BOD1L1: variants seen among roughly 807,000 people sequenced by gnomAD.
BOD1L1 encodes the protein biorientation of chromosomes in cell division 1 like 1.
Under a neutral mutation model 240.7 loss-of-function variants are expected in BOD1L1, and 86 were observed. That is an observed-to-expected ratio of 0.36 (90% CI 0.30 to 0.43). The LOEUF (loss-of-function observed/expected upper bound fraction) is 0.43, where lower values mean the gene tolerates loss of function less well. Among genes scored for constraint, BOD1L1 ranks in the 20% least tolerant of loss-of-function variants. The probability of loss-of-function intolerance (pLI) is 1.00; values close to 1 mark genes in which losing one functional copy is unlikely to be tolerated. For missense variants in BOD1L1, 3,554 were observed against 3,643.5 expected (o/e 0.98, Z 0.63); for synonymous variants, 1,268 against 1,272.3 (o/e 1.00, Z 0.07).
intron 15 of BOD1L1, 97 bp from the exon 16 acceptor site, chr4:13,587,868 G>A (rs1300337626): frequency 3.5e-6 from 3 of 862,788 alleles, no homozygotes; most frequent in Admixed American, 2.8e-5. Flanking sequence ...TTTGGAATAA[G>A]TTGATATATA....
rs372894240 is a variant in BOD1L1, at chr4:13,600,339, G to A, written c.6561C>T (p.Thr2187=). ...ERATGPVLIS[T]ADFEGPMPSA... The stretch of plus-strand genomic sequence containing the variant: ...TGGGCATAGGCCCCTCAAAGTCGGC[G>A]GTGCTTATCAAGACTGGACCTGTAG... The change falls in exon 10 of 26, where the codon ACC becomes ACT. Residue 2187 remains threonine, a synonymous_variant. Coordinates refer to ENST00000040738, the MANE Select transcript of BOD1L1 (RefSeq NM_148894.3). 3.8e-5 allele frequency: 62 copies of A among 1,613,886 alleles called. No individual in the cohort carries two copies. The highest frequency in any genetic ancestry group is 2.5e-4 in the East Asian group (11 of 44,884).
chr4:13,596,078 C>T lies in BOD1L1; in HGVS notation c.8020-134G>A, dbSNP rs868683935. 7.3e-6 allele frequency: 5 copies of T among 689,148 alleles called. No homozygotes were observed. The African/African-American group carries it at 9.2e-5, about 13-fold the overall frequency. The allele number at this position is 689,148 out of a possible 1,614,324, so 42.7% of individuals were successfully genotyped here. A position where few individuals can be genotyped will look rare whatever the true frequency, so the allele number is the denominator to read the frequency against. On this transcript the variant is annotated intron_variant, in intron 11 of 25. Coordinates refer to ENST00000040738, the MANE Select transcript of BOD1L1 (RefSeq NM_148894.3). ...AGCCTATTTTCAAGAGTACACAAAA[C>T]TTAAAAATAAATACATCAACCTTTA...
chr4:13,580,064 AG>A, intron 21 of BOD1L1, 91 bp from the exon 22 acceptor site: 1 of 933,072 alleles, frequency 1.1e-6, no homozygotes, highest in Non-Finnish European at 1.6e-6. Flanking sequence ...AAGGTGGTAT[AG>A]GATCTTTATT....
intron 17 of BOD1L1, among the ~76,000 whole-genome samples, chr4:13,584,437 AGAGAGT>A (rs1315455184): frequency 1.3e-4 from 16 of 125,870 alleles, no homozygotes; most frequent in African/African-American, 3.8e-4. Context: ...AGAAAGAGAG[AGAGAGT>A]GTGTGTGTGT....
Position 13,573,887 on chromosome 4 carries a change from G to C in BOD1L1, c.9038+2951C>G, listed in dbSNP as rs565875677. ...TAAGAGGGTCTTGCTATGTTGCTTA[G>C]GCTGGTCTCGAACTCCCAGCCTCAA... is the stretch of plus-strand genomic sequence containing the variant. On this transcript the variant is annotated intron_variant, in intron 25 of 25. Transcript: ENST00000040738. 6.6e-4 allele frequency among the ~76,000 whole-genome samples: 100 copies of C among 151,884 alleles called. 1 individual carries two copies. In the South Asian group the frequency reaches 0.021, roughly 32 times the overall value.
intron 25 of BOD1L1, among the ~76,000 whole-genome samples, chr4:13,570,461 A>G (rs1017507239): frequency 2.0e-5 from 3 of 152,202 alleles, no homozygotes; most frequent in African/African-American, 7.2e-5. Context: ...AGACATCAAC[A>G]GCGGGTCCCA....
rs1479706643 is a variant in BOD1L1 at position 13,611,059 on chromosome 4, T to C, written c.1366A>G (p.Ser456Gly). The change falls in exon 6 of 26, where the codon AGT becomes GGT. Residue 456 changes from serine (S) to glycine (G), a missense_variant. Transcript: ENST00000040738. ...NKQNKTKTQTSDSSEGKTKSV... is the reference protein window; with the variant it reads ...NKQNKTKTQTGDSSEGKTKSV... The stretch of plus-strand genomic sequence containing the variant: ...TTTGTTTTTCCTTCACTAGAATCAC[T>C]AGTTTGAGTTTTTGTTTTATTCTGT... The C allele has an allele frequency of 1.2e-6, 2 of 1,610,830 alleles. No individual in the cohort carries two copies. The highest frequency in any genetic ancestry group is 1.7e-6 in the Non-Finnish European group (2 of 1,177,866).
Position 13,614,761 on chromosome 4 carries a change from C to T in BOD1L1, c.609G>A (p.Ser203=), listed in dbSNP as rs779374212. ...PSANVANDAM[S]ILETITSLNQ... is the part of the protein sequence containing the mutation. Reference sequence around the variant, plus strand: ...TAAGAGAAGTTATGGTTTCCAATATCGACATGGCATCATTGGCTACATTAG... The same window carrying T: ...TAAGAGAAGTTATGGTTTCCAATATTGACATGGCATCATTGGCTACATTAG... Residue 203 remains serine, a synonymous_variant, in exon 4 of 26, where the codon TCG becomes TCA. Transcript: ENST00000040738. The T allele has an allele frequency of 5.9e-5, 95 of 1,613,552 alleles. No individual in the cohort carries two copies. Among genetic ancestry groups the T allele is most frequent in the Non-Finnish European group, 7.0e-5 (83 of 1,179,792 alleles).
rs1717491269 is a variant in BOD1L1, at chr4:13,627,488, C to T, written c.100G>A (p.Ala34Thr). The T allele has an allele frequency of 1.0e-6, 1 of 997,928 alleles. No individual in the cohort carries two copies. Among genetic ancestry groups the T allele is most frequent in the Non-Finnish European group, 1.2e-6 (1 of 839,298 alleles). The allele number at this position is 997,928 out of a possible 1,614,324, so 61.8% of individuals were successfully genotyped here. A position where few individuals can be genotyped will look rare whatever the true frequency, so the allele number is the denominator to read the frequency against. The change falls in exon 1 of 26, where the codon GCT becomes ACT. Residue 34 changes from alanine to threonine, a missense_variant. Physicochemically the swap from Ala to Thr is moderately conservative, Grantham distance 58. Transcript: ENST00000040738. The stretch of plus-strand genomic sequence containing the variant: ...CCCGCCCCGCCCGCGCCGGGGCCAG[C>T]CCCGGGGCCCGGCGGCGGCGGCGGT... Reference protein sequence around the residue: ...QPPPPPPGPGAGPGAGGAGGA... With the variant: ...QPPPPPPGPGTGPGAGGAGGA...
intron 24 of BOD1L1, 67 bp from the exon 25 acceptor site, chr4:13,577,058 A>G (rs7695814): frequency 0.052 from 80,496 of 1,558,500 alleles, 2,586 homozygotes; most frequent in African/African-American, 0.14. Context: ...AGAGAGAGTC[A>G]TGGAGTTTAG....
At chr4:13,597,241 G>C (rs1215850481) in intron 10 of BOD1L1, 73 bp from the exon 11 acceptor site, 2 of 1,154,804 alleles carry the variant, frequency 1.7e-6, no homozygotes. Context: ...AAAAAGTAAT[G>C]GAATGTGGTT....
At chr4:13,572,881 T>C in intron 25 of BOD1L1, 2 of 1,285,018 alleles carry the variant, frequency 1.6e-6, no homozygotes, top group Non-Finnish European at 2.0e-6. Context: ...ATGGTAGCAC[T>C]GAATACTCCA....
chr4:13,615,236 G>C, intron 3 of BOD1L1, 76 bp downstream of exon 3: 1 of 1,380,942 alleles, frequency 7.2e-7, no homozygotes, highest in Non-Finnish European at 9.7e-7. Context: ...ATGTGTTAAA[G>C]AGCCAAGTAT....
Position 13,569,797 on chromosome 4 carries a change from T to C in BOD1L1, c.*214A>G, listed in dbSNP as rs1176764634. 1 of 355,142 alleles carries C rather than the reference T, an allele frequency of 2.8e-6. No individual in the cohort carries two copies. Among genetic ancestry groups the C allele is most frequent in the Admixed American group, 4.7e-5 (1 of 21,298 alleles). The allele number at this position is 355,142 out of a possible 1,614,324, so 22.0% of individuals were successfully genotyped here. On this transcript the variant is annotated 3_prime_UTR_variant, in exon 26 of 26. Transcript: ENST00000040738. ...TTTTGAGTTCAGATACAAAGTAAAC[T>C]TATTGTCCTTTATCTGAAATAAATG... is the stretch of plus-strand genomic sequence containing the variant.
At chr4:13,620,519 C>A (rs143352837) in intron 1 of BOD1L1, among the ~76,000 whole-genome samples, 1 of 152,242 alleles carries the variant, frequency 6.6e-6, no homozygotes, top group Non-Finnish European at 1.5e-5. Flanking sequence ...AGTGAGCCTC[C>A]AAATTGGTGG....
In BOD1L1 at chr4:13,602,039, C is replaced by T; in HGVS notation, c.4861G>A (p.Ala1621Thr). Reference protein sequence around the residue: ...KEGESGECAVAESEDRAADLL... With the variant: ...KEGESGECAVTESEDRAADLL... ...TCTGCTGCTCTGTCCTCAGATTCAG[C>T]CACAGCACACTCCCCACTTTCCCCT... The change falls in exon 10 of 26, where the codon GCT becomes ACT. Residue 1621 changes from alanine (A) to threonine (T), a missense_variant. Coordinates refer to ENST00000040738, the MANE Select transcript of BOD1L1 (RefSeq NM_148894.3). 12 of 1,613,996 alleles carry T rather than the reference C, an allele frequency of 7.4e-6. No individual in the cohort carries two copies. The highest frequency in any genetic ancestry group is 1.0e-5 in the Non-Finnish European group (12 of 1,179,896).
chr4:13,576,855 G>GGTGGTGGATCTT lies in BOD1L1; in HGVS notation c.9009_9020dup (p.Thr3006_Ser3009dup), dbSNP rs751529160. ...CCCATTACCTCTGAGCCTCTGATCT[G>GGTGGTGGATCTT]GTGGTGGATCTTGTGGTGGCTCCTG... is the stretch of plus-strand genomic sequence containing the variant. On this transcript the variant is annotated inframe_insertion, in exon 25 of 26. Transcript: ENST00000040738. 3 of 1,613,962 alleles carry GGTGGTGGATCTT rather than the reference G, an allele frequency of 1.9e-6. No homozygotes were observed. Among genetic ancestry groups the GGTGGTGGATCTT allele is most frequent in the Admixed American group, 1.7e-5 (1 of 60,034 alleles).
chr4:13,588,299 C>T (rs1275791908), intron 15 of BOD1L1, among the ~76,000 whole-genome samples: 3 of 151,848 alleles, frequency 2.0e-5, no homozygotes, highest in Non-Finnish European at 4.4e-5. Context: ...ATTCATACAA[C>T]ACATGCTGTT....
At chr4:13,586,872 C>T (rs553797909) in intron 16 of BOD1L1, among the ~76,000 whole-genome samples, 1 of 152,236 alleles carries the variant, frequency 6.6e-6, no homozygotes, top group Non-Finnish European at 1.5e-5. Flanking sequence ...TTTTCAGAAC[C>T]TTAATCTCTT....
Sources: gnomAD v4.1 joint callset for allele counts (sites outside exome capture counted in the v4.1 genomes callset) on GRCh38, gnomAD v4.1.1 for gene constraint, MANE v1.5 for transcripts, NCBI Gene and HGNC (gene_info 2026-07-23, HGNC 2026-07-21) for gene names.